The following NDFIP2 variants were observed in gnomAD, a reference collection of about 807,000 sequenced individuals.
NDFIP2 encodes Nedd4 family interacting protein 2, also known as NEDD4 family-interacting protein 2.
A neutral mutation model predicts 36.0 loss-of-function variants in NDFIP2; 19 were observed. That is an observed-to-expected ratio of 0.53 (90% CI 0.37 to 0.77). The LOEUF (loss-of-function observed/expected upper bound fraction) is 0.77. NDFIP2 is among the 30% of genes least tolerant of loss of function. The pLI is 0.00. For missense variants in NDFIP2, 446 were observed against 435.8 expected (o/e 1.02, Z -0.21); for synonymous variants, 181 against 167.7 (o/e 1.08, Z -0.61).
At chr13:79,492,333 G>T (rs532440377) in intron 1 of NDFIP2, among the ~76,000 whole-genome samples, 1 of 151,214 alleles carries the variant, frequency 6.6e-6, no homozygotes, top group Admixed American at 6.6e-5. Context: ...CACCTCGGGA[G>T]AGCTTTCATC....
In NDFIP2 at chr13:79,481,211, G is replaced by C; in HGVS notation, c.8G>C (p.Arg3Pro). Reference sequence around the variant, plus strand: ...CTCCCACTGGCGGCGCGGATGGCACGCCGGCGGAGCCAGCGAGTCTGCGCG... The same window carrying C: ...CTCCCACTGGCGGCGCGGATGGCACCCCGGCGGAGCCAGCGAGTCTGCGCG... MA[R>P]RRSQRVCASG... Residue 3 changes from arginine (R) to proline (P), a missense_variant, in exon 1 of 8, where the codon CGC becomes CCC. By Grantham distance (103) the Arg-to-Pro change is moderately radical. Coordinates refer to ENST00000218652, the MANE Select transcript of NDFIP2 (RefSeq NM_019080.3). The C allele has an allele frequency of 6.6e-7, 1 of 1,506,374 alleles. No homozygotes were observed. The highest frequency in any genetic ancestry group is 8.8e-7 in the Non-Finnish European group (1 of 1,135,242). The allele number at this position is 1,506,374 out of a possible 1,614,324, so 93.3% of individuals were successfully genotyped here.
At chr13:79,536,101 T>A (rs1174944535) in intron 3 of NDFIP2, among the ~76,000 whole-genome samples, 1 of 152,228 alleles carries the variant, frequency 6.6e-6, no homozygotes, top group Non-Finnish European at 1.5e-5. Flanking sequence ...ATTGCACGTA[T>A]GTTATGGAAT....
chr13:79,486,927 A>T (rs937506604), intron 1 of NDFIP2, among the ~76,000 whole-genome samples: 2 of 152,194 alleles, frequency 1.3e-5, no homozygotes, highest in Non-Finnish European at 2.9e-5. Context: ...GGCTATATAT[A>T]CCATCTAGAT....
At chr13:79,486,517 G>A (rs1872995637) in intron 1 of NDFIP2, among the ~76,000 whole-genome samples, 1 of 152,140 alleles carries the variant, frequency 6.6e-6, no homozygotes, top group South Asian at 2.1e-4. Flanking sequence ...ATTTGTTTAT[G>A]GTTCTTTTTC....
Position 79,481,474 on chromosome 13 carries a change from G to GAGCCGGGCAGGATGGATCACCACC in NDFIP2, c.279_302dup (p.Arg94_Gly101dup), listed in dbSNP as rs1566650872. On this transcript the variant is annotated inframe_insertion, in exon 1 of 8. Coordinates refer to ENST00000218652, the MANE Select transcript of NDFIP2 (RefSeq NM_019080.3). ...CTCCCTCTCTCGGAAGCCGGATCCCGAGCCGGGCAGGATGGATCACCACCA... is the reference window on the plus strand; with the variant it reads ...CTCCCTCTCTCGGAAGCCGGATCCCGAGCCGGGCAGGATGGATCACCACCAGCCGGGCAGGATGGATCACCACCA... 3 of 1,562,426 alleles carry GAGCCGGGCAGGATGGATCACCACC rather than the reference G, an allele frequency of 1.9e-6. No individual in the cohort carries two copies. In the East Asian group the frequency reaches 7.1e-5, roughly 37 times the overall value.
At chr13:79,494,206 T>C (rs1164137600) in intron 1 of NDFIP2, among the ~76,000 whole-genome samples, 1 of 152,076 alleles carries the variant, frequency 6.6e-6, no homozygotes, top group Non-Finnish European at 1.5e-5. Context: ...GTTGTGATCT[T>C]GGGCCAACTA....
chr13:79,527,197 A>G lies in NDFIP2; in HGVS notation c.488-6126A>G, dbSNP rs142422155. ...AATGGAAGCATCACACATGCTCAAA[A>G]TAGGGGAATCATTAAATACATTTTC... On this transcript the variant is annotated intron_variant, in intron 2 of 7. Coordinates refer to ENST00000218652, the MANE Select transcript of NDFIP2 (RefSeq NM_019080.3). Among the ~76,000 whole-genome samples, 17 of 152,346 alleles carry G rather than the reference A, an allele frequency of 1.1e-4. 1 individual carries two copies. In the East Asian group the frequency reaches 3.1e-3, roughly 28 times the overall value.
intron 1 of NDFIP2, 87 bp downstream of exon 1, chr13:79,481,611 A>T: frequency 3.5e-6 from 5 of 1,423,832 alleles, no homozygotes; most frequent in Non-Finnish European, 4.7e-6. Flanking sequence ...TCCCGGAGGA[A>T]AAGCTGTGGC....
Position 79,500,040 on chromosome 13 carries a change from A to G in NDFIP2, c.321+18516A>G, listed in dbSNP as rs540062230. 2.6e-5 allele frequency among the ~76,000 whole-genome samples: 4 copies of G among 152,034 alleles called. No individual in the cohort carries two copies. The South Asian group carries it at 8.3e-4, about 32-fold the overall frequency. On this transcript the variant is annotated intron_variant, in intron 1 of 7. Transcript: ENST00000218652. Reference sequence around the variant, plus strand: ...ACAGACAAATAGATTAGTGGAAGAGAATAGAGAACTCAGAAATAGGCCCAC... The same window carrying G: ...ACAGACAAATAGATTAGTGGAAGAGGATAGAGAACTCAGAAATAGGCCCAC...
intron 1 of NDFIP2, among the ~76,000 whole-genome samples, chr13:79,512,584 G>T (rs544974954): frequency 6.6e-6 from 1 of 152,312 alleles, no homozygotes; most frequent in African/African-American, 2.4e-5. Context: ...AGGAATGTTG[G>T]CTTGGCAGGG....
chr13:79,549,995 T>G (rs1875842249), intron 6 of NDFIP2, among the ~76,000 whole-genome samples: 1 of 151,876 alleles, frequency 6.6e-6, no homozygotes, highest in South Asian at 2.1e-4. Context: ...GATTACTGTC[T>G]TGCAGTTGGG....
intron 7 of NDFIP2, 27 bp downstream of exon 7, chr13:79,551,149 G>GCCTATTCCCTTTATGTAT (rs1284836747): frequency 4.2e-6 from 6 of 1,426,492 alleles, no homozygotes; most frequent in Admixed American, 2.0e-5. Context: ...TGTGAACTCT[G>GCCTATTCCCTTTATGTAT]CCTATTCCCT....
rs1594855778 is a variant in NDFIP2, at chr13:79,533,354, G to A, written c.519G>A (p.Val173=). The A allele has an allele frequency of 1.2e-6, 2 of 1,609,162 alleles. No homozygotes were observed. The highest frequency in any genetic ancestry group is 1.3e-5 in the African/African-American group (1 of 74,686). Residue 173 remains valine (V), a synonymous_variant, in exon 3 of 8, where the codon GTG becomes GTA. Coordinates refer to ENST00000218652, the MANE Select transcript of NDFIP2 (RefSeq NM_019080.3). ...DTEVYGEFYP[V]PPPYSVATSL... is the part of the protein sequence containing the mutation. ...AAGTTTACGGTGAGTTTTATCCCGTGCCACCTCCCTATAGCGTTGCTACCT... is the reference window on the plus strand; with the variant it reads ...AAGTTTACGGTGAGTTTTATCCCGTACCACCTCCCTATAGCGTTGCTACCT...
At chr13:79,509,933 T>C (rs532743955) in intron 1 of NDFIP2, among the ~76,000 whole-genome samples, 1 of 152,270 alleles carries the variant, frequency 6.6e-6, no homozygotes, top group South Asian at 2.1e-4. Flanking sequence ...TGGCAGTTGA[T>C]TAGATGGTGC....
intron 3 of NDFIP2, among the ~76,000 whole-genome samples, chr13:79,538,030 G>C (rs986469565): frequency 6.6e-6 from 1 of 152,192 alleles, no homozygotes; most frequent in Non-Finnish European, 1.5e-5. Context: ...TACATGGCTG[G>C]AGCAGGAGGA....
chr13:79,520,722 A>T, intron 1 of NDFIP2, 88 bp from the exon 2 acceptor site: 1 of 1,259,388 alleles, frequency 7.9e-7, no homozygotes, highest in Non-Finnish European at 1.1e-6. Flanking sequence ...CCAAAAAGCG[A>T]TACTGTGTCT....
At chr13:79,502,028 A>G (rs1840112811) in intron 1 of NDFIP2, among the ~76,000 whole-genome samples, 1 of 152,216 alleles carries the variant, frequency 6.6e-6, no homozygotes, top group South Asian at 2.1e-4. Flanking sequence ...ATTTGCACCT[A>G]TTTCCCGCAC....
chr13:79,481,304 C>G lies in NDFIP2; in HGVS notation c.101C>G (p.Ala34Gly), dbSNP rs1235711608. 1.3e-6 allele frequency: 2 copies of G among 1,541,540 alleles called. No homozygotes were observed. The highest frequency in any genetic ancestry group is 1.7e-6 in the Non-Finnish European group (2 of 1,146,538). The change falls in exon 1 of 8, where the codon GCG becomes GGG. Residue 34 changes from alanine to glycine, a missense_variant. Ala to Gly is a moderately conservative substitution (Grantham distance 60). This residue lies in a region of NDFIP2 where 369 missense variants were observed against 304.8 expected (regional missense o/e 1.21). Coordinates refer to ENST00000218652, the MANE Select transcript of NDFIP2 (RefSeq NM_019080.3). The stretch of plus-strand genomic sequence containing the variant: ...CTTCTCCGCGGAACCGCGACCAACG[C>G]GGAGGTCTCGGCGGCCGCTGCGGGA... ...PELLRGTATN[A>G]EVSAAAAGAT...
At chr13:79,512,764 C>G (rs1874127885) in intron 1 of NDFIP2, among the ~76,000 whole-genome samples, 1 of 152,108 alleles carries the variant, frequency 6.6e-6, no homozygotes, top group Non-Finnish European at 1.5e-5. Context: ...CAAGCTTTTT[C>G]TATTGCACAT....
Sources: allele counts gnomAD v4.1 joint callset (sites outside exome capture counted in the v4.1 genomes callset), GRCh38; gene constraint gnomAD v4.1.1; regional missense constraint gnomAD v4.1.1; transcripts MANE v1.5; gene names NCBI Gene and HGNC (gene_info 2026-07-23, HGNC 2026-07-21).